SUPT3H: variants seen among roughly 807,000 people sequenced by gnomAD.
The protein encoded by SUPT3H is SPT3 homolog, SAGA and STAGA complex component.
A neutral mutation model predicts 44.3 loss-of-function variants in SUPT3H; 44 were observed. The observed-to-expected ratio is 0.99, with a 90% CI of 0.78 to 1.28. The LOEUF (loss-of-function observed/expected upper bound fraction) is 1.28, where lower values mean the gene tolerates loss of function less well. SUPT3H is among the 50% of genes most tolerant of loss of function. The probability of loss-of-function intolerance (pLI) is 0.00; values close to 1 mark genes in which losing one functional copy is unlikely to be tolerated. For missense variants in SUPT3H, 380 were observed against 387.1 expected (o/e 0.98, Z 0.15); for synonymous variants, 124 against 125.6 (o/e 0.99, Z 0.09).
chr6:45,224,429 C>G (rs1284480456), intron 2 of SUPT3H, among the ~76,000 whole-genome samples: 1 of 152,100 alleles, frequency 6.6e-6, no homozygotes, highest in Non-Finnish European at 1.5e-5. Context: ...ATGGTAGTGA[C>G]ACTTCACAGT....
rs1394140307 is a variant in SUPT3H at position 44,970,916 on chromosome 6, G to A, written c.505-9088C>T. ...ATCAAATTCTCAAGTAGTCAAATAT[G>A]CACACTTTATGGAGTCTGGCTTTAC... is the stretch of plus-strand genomic sequence containing the variant. On this transcript the variant is annotated intron_variant, in intron 6 of 10. Transcript: ENST00000371459. 3.3e-5 allele frequency among the ~76,000 whole-genome samples: 5 copies of A among 152,210 alleles called. No individual in the cohort carries two copies. The East Asian group carries it at 9.7e-4, about 29-fold the overall frequency.
intron 10 of SUPT3H, among the ~76,000 whole-genome samples, chr6:44,930,518 C>T (rs188801607): frequency 9.4e-4 from 133 of 140,920 alleles, no homozygotes; most frequent in Admixed American, 2.5e-3. Flanking sequence ...GAGCTGAGAT[C>T]GTACCAATGC....
intron 10 of SUPT3H, among the ~76,000 whole-genome samples, chr6:44,879,637 A>C (rs1777888496): frequency 6.7e-6 from 1 of 148,972 alleles, no homozygotes; most frequent in South Asian, 2.1e-4. Flanking sequence ...ACTTGGAGAC[A>C]ACTCCCAGTA....
intron 2 of SUPT3H, among the ~76,000 whole-genome samples, chr6:45,130,711 A>AAAAT (rs1562519381): frequency 7.1e-5 from 4 of 56,208 alleles, no homozygotes; most frequent in East Asian, 4.1e-4. Flanking sequence ...AAAAAAAACC[A>AAAAT]CTTTTTTTTT....
At chr6:44,904,039 T>C (rs547963486) in intron 10 of SUPT3H, among the ~76,000 whole-genome samples, 2 of 152,084 alleles carry the variant, frequency 1.3e-5, no homozygotes, top group Non-Finnish European at 2.9e-5. Flanking sequence ...CTCAAAATAA[T>C]AAGAGCTATC....
intron 10 of SUPT3H, among the ~76,000 whole-genome samples, chr6:44,856,037 T>C (rs1188601349): frequency 6.6e-6 from 1 of 152,214 alleles, no homozygotes; most frequent in African/African-American, 2.4e-5. Context: ...TTTTTCATTT[T>C]TGAAAAGCTG....
At chr6:44,969,079 T>C (rs1326114110) in intron 6 of SUPT3H, among the ~76,000 whole-genome samples, 2 of 152,170 alleles carry the variant, frequency 1.3e-5, no homozygotes, top group African/African-American at 4.8e-5. Flanking sequence ...TCTGGGAAGT[T>C]TGTCCAGTTT....
At chr6:45,073,761 C>T (rs145568077) in intron 3 of SUPT3H, among the ~76,000 whole-genome samples, 1 of 151,966 alleles carries the variant, frequency 6.6e-6, no homozygotes, top group African/African-American at 2.4e-5. Context: ...TACTGAAGTT[C>T]GTTTCTTTAC....
intron 2 of SUPT3H, among the ~76,000 whole-genome samples, chr6:45,231,809 T>C (rs1369767795): frequency 6.6e-6 from 1 of 152,194 alleles, no homozygotes; most frequent in Admixed American, 6.5e-5. Flanking sequence ...TTTGTCTAAG[T>C]GGATTATTAC....
At chr6:45,148,158 T>C (rs1806382366) in intron 2 of SUPT3H, among the ~76,000 whole-genome samples, 1 of 152,186 alleles carries the variant, frequency 6.6e-6, no homozygotes, top group Non-Finnish European at 1.5e-5. Flanking sequence ...ACATTTTTAA[T>C]TTCTCCAGAT....
chr6:45,128,583 C>G (rs1349562863), intron 2 of SUPT3H, among the ~76,000 whole-genome samples: 1 of 109,214 alleles, frequency 9.2e-6, no homozygotes, highest in East Asian at 2.7e-4. Flanking sequence ...CACACACACA[C>G]ATACACATAT....
intron 10 of SUPT3H, among the ~76,000 whole-genome samples, chr6:44,916,332 CT>C (rs1273481913): frequency 2.0e-5 from 3 of 152,148 alleles, no homozygotes; most frequent in Non-Finnish European, 4.4e-5. Flanking sequence ...TTGGTAGTTA[CT>C]TTTTGGAACC....
chr6:45,101,430 A>G (rs1487766554), intron 3 of SUPT3H, among the ~76,000 whole-genome samples: 1 of 152,220 alleles, frequency 6.6e-6, no homozygotes, highest in Non-Finnish European at 1.5e-5. Flanking sequence ...CGTCTCCAAA[A>G]CAACAACAAC....
chr6:45,020,454 T>A lies in SUPT3H; in HGVS notation c.273+92A>T, dbSNP rs1784966905. 3 of 889,286 alleles carry A rather than the reference T, an allele frequency of 3.4e-6. No homozygotes were observed. The South Asian group carries it at 5.7e-5, about 17-fold the overall frequency. 55.1% of individuals were successfully genotyped at this position (889,286 alleles called of 1,614,324 possible). A position where few individuals can be genotyped will look rare whatever the true frequency, so the allele number is the denominator to read the frequency against. On this transcript the variant is annotated intron_variant, in intron 4 of 10. Coordinates refer to ENST00000371459, the MANE Select transcript of SUPT3H (RefSeq NM_003599.4). ...CAGTTCAATAGTTATTATTTTAATTTGAAAGGTACATAACAAGGATATATA... is the reference window on the plus strand; with the variant it reads ...CAGTTCAATAGTTATTATTTTAATTAGAAAGGTACATAACAAGGATATATA...
intron 2 of SUPT3H, among the ~76,000 whole-genome samples, chr6:45,212,218 A>C (rs1764215400): frequency 6.6e-6 from 1 of 152,022 alleles, no homozygotes; most frequent in Non-Finnish European, 1.5e-5. Flanking sequence ...AAATATACAC[A>C]CTTTTCTTAT....
At chr6:45,100,701 TTAA>T in intron 3 of SUPT3H, among the ~76,000 whole-genome samples, 1 of 152,010 alleles carries the variant, frequency 6.6e-6, no homozygotes, top group East Asian at 1.9e-4. Context: ...AAGGTTATAA[TTAA>T]TAATACCAAA....
At chr6:45,154,405 T>TGG (rs1304875378) in intron 2 of SUPT3H, among the ~76,000 whole-genome samples, 32 of 152,054 alleles carry the variant, frequency 2.1e-4, no homozygotes, top group Non-Finnish European at 4.3e-4. Flanking sequence ...GCCAGTGTTG[T>TGG]GGCTCAGAAA....
intron 10 of SUPT3H, among the ~76,000 whole-genome samples, chr6:44,894,820 GT>G (rs1430772297): frequency 6.6e-6 from 1 of 151,608 alleles, no homozygotes; most frequent in Non-Finnish European, 1.5e-5. Flanking sequence ...ATAAGCATGA[GT>G]GTTTCATAGG....
At chr6:44,864,740 C>T (rs1561913356) in intron 10 of SUPT3H, among the ~76,000 whole-genome samples, 1 of 152,022 alleles carries the variant, frequency 6.6e-6, no homozygotes, top group African/African-American at 2.4e-5. Context: ...GACCCTGGGC[C>T]CAGCCCACAA....
Sources: allele counts gnomAD v4.1 joint callset (sites outside exome capture counted in the v4.1 genomes callset), GRCh38; gene constraint gnomAD v4.1.1; transcripts MANE v1.5; gene names NCBI Gene and HGNC (gene_info 2026-07-23, HGNC 2026-07-21).